Variants in LRRC63 observed in about 807,000 individuals in gnomAD.
LRRC63 encodes the protein leucine rich repeat containing 63.
A neutral mutation model predicts 49.5 loss-of-function variants in LRRC63; 40 were observed. The observed-to-expected ratio is 0.81, with a 90% CI of 0.63 to 1.05. The LOEUF (loss-of-function observed/expected upper bound fraction) is 1.05, where lower values mean the gene tolerates loss of function less well. Among genes scored for constraint, LRRC63 ranks in the 50% least tolerant of loss-of-function variants. LRRC63 has a pLI of 0.00. For synonymous variants in LRRC63, 191 were observed against 221.1 expected (o/e 0.86, Z 1.21); for missense variants, 636 against 663.1 (o/e 0.96, Z 0.45).
intron 9 of LRRC63, among the ~76,000 whole-genome samples, chr13:46,275,359 A>G (rs1254487721): frequency 6.6e-6 from 1 of 152,164 alleles, no homozygotes; most frequent in African/African-American, 2.4e-5. Flanking sequence ...GCTGGATAGT[A>G]TGATAGCCTT....
chr13:46,219,472 A>T (rs1012834929), intron 2 of LRRC63, among the ~76,000 whole-genome samples: 8 of 151,942 alleles, frequency 5.3e-5, no homozygotes, highest in African/African-American at 1.9e-4. Context: ...GCTTCTCTAA[A>T]CTGGTTATTC....
Position 46,234,190 on chromosome 13 carries a change from A to G in LRRC63, c.833-2A>G, listed in dbSNP as rs1455948951. The G allele has an allele frequency of 4.5e-5, 70 of 1,546,842 alleles. No individual in the cohort carries two copies. Among genetic ancestry groups the G allele is most frequent in the Non-Finnish European group, 5.9e-5 (68 of 1,144,792 alleles). ...ATGTTTTGTTTTGTTTTGTTTATTT[A>G]GGTCTCACCAAAACTGAAAAAATAG... is the stretch of plus-strand genomic sequence containing the variant. On this transcript the variant is annotated splice_acceptor_variant, in intron 4 of 9. Coordinates refer to ENST00000595396, the Ensembl canonical transcript of LRRC63. LOFTEE classifies it high-confidence loss of function.
intron 5 of LRRC63, among the ~76,000 whole-genome samples, chr13:46,239,917 T>C (rs2047006285): frequency 6.6e-6 from 1 of 152,184 alleles, no homozygotes. Flanking sequence ...ATTATCTCAA[T>C]TGATGCAGAA....
intron 9 of LRRC63, among the ~76,000 whole-genome samples, chr13:46,274,766 GTGA>G (rs1266944425): frequency 6.6e-6 from 1 of 151,992 alleles, no homozygotes; most frequent in African/African-American, 2.4e-5. Context: ...AACATACAGG[GTGA>G]TATTTCAATA....
At chr13:46,217,874 C>A (rs2046297640) in intron 2 of LRRC63, among the ~76,000 whole-genome samples, 1 of 152,158 alleles carries the variant, frequency 6.6e-6, no homozygotes, top group Non-Finnish European at 1.5e-5. Context: ...ACCCAGTAGT[C>A]ATTCAGTGGC....
intron 6 of LRRC63, 170 bp from the exon 7 acceptor site, chr13:46,250,185 G>C: frequency 1.9e-6 from 1 of 532,720 alleles, no homozygotes; most frequent in Admixed American, 3.3e-5. Flanking sequence ...ATTAATGCTG[G>C]TCACTTGTTT....
At chr13:46,250,601 GTATTC>G (rs1171643695) in intron 7 of LRRC63, 110 bp downstream of exon 7, 1 of 907,296 alleles carries the variant, frequency 1.1e-6, no homozygotes, top group African/African-American at 1.7e-5. Flanking sequence ...TTAGTAATTT[GTATTC>G]TATTCTAATT....
At chr13:46,236,070 T>G (rs1300809668) in intron 5 of LRRC63, among the ~76,000 whole-genome samples, 1 of 151,494 alleles carries the variant, frequency 6.6e-6, no homozygotes, top group African/African-American at 2.4e-5. Flanking sequence ...TTAGGCAGAA[T>G]AAAGAATTAT....
rs893351196 is a variant in LRRC63 at position 46,231,914 on chromosome 13, C to T, written c.833-2278C>T. ...CACTGCAAGCTCCACCTCCCAGGTT[C>T]GCGCCATTCTCCTGCCTCAGCCTCA... On this transcript the variant is annotated intron_variant, in intron 4 of 9. Transcript: ENST00000595396. Among the ~76,000 whole-genome samples, 7 of 150,224 alleles carry T rather than the reference C, an allele frequency of 4.7e-5. No individual in the cohort carries two copies. In the East Asian group the frequency reaches 5.9e-4, roughly 13 times the overall value.
intron 7 of LRRC63, among the ~76,000 whole-genome samples, chr13:46,257,672 G>A (rs1027492353): frequency 3.3e-5 from 5 of 152,246 alleles, no homozygotes; most frequent in African/African-American, 1.2e-4. Context: ...GGTTTGTGAT[G>A]TAAATTTAGC....
chr13:46,251,408 G>A (rs1594077845), intron 7 of LRRC63, among the ~76,000 whole-genome samples: 2 of 151,806 alleles, frequency 1.3e-5, no homozygotes, highest in South Asian at 4.1e-4. Flanking sequence ...CACTAAAGAA[G>A]TAAGAATGTT....
intron 7 of LRRC63, among the ~76,000 whole-genome samples, chr13:46,258,632 AC>A (rs2047561947): frequency 6.7e-6 from 1 of 149,466 alleles, no homozygotes; most frequent in South Asian, 2.1e-4. Flanking sequence ...ACATGGTGAA[AC>A]CCCATCTCTA....
At chr13:46,242,208 T>C (rs901464960) in intron 5 of LRRC63, among the ~76,000 whole-genome samples, 1 of 152,028 alleles carries the variant, frequency 6.6e-6, no homozygotes, top group Non-Finnish European at 1.5e-5. Context: ...GCAAACTAAC[T>C]CAGGGACAGA....
exon 10 of LRRC63, chr13:46,276,871 T>TATTC (rs2047850745): frequency 1.3e-5 from 2 of 159,004 alleles, no homozygotes; most frequent in East Asian, 1.6e-4. Flanking sequence ...TATATATTTA[T>TATTC]ATATATATAT....
chr13:46,236,031 C>G (rs547558599), intron 5 of LRRC63, among the ~76,000 whole-genome samples: 36 of 151,916 alleles, frequency 2.4e-4, no homozygotes, highest in Non-Finnish European at 4.9e-4. Context: ...GAAAACTTCT[C>G]TAGAAAGTTT....
intron 1 of LRRC63, among the ~76,000 whole-genome samples, chr13:46,212,635 G>A (rs2138326726): frequency 6.6e-6 from 1 of 152,136 alleles, no homozygotes; most frequent in Admixed American, 6.5e-5. Context: ...ATAACATTTT[G>A]GAGAGAGAGA....
intron 4 of LRRC63, among the ~76,000 whole-genome samples, chr13:46,232,840 G>GT (rs1300074265): frequency 6.6e-6 from 1 of 152,144 alleles, no homozygotes; most frequent in Non-Finnish European, 1.5e-5. Flanking sequence ...GGATTTAAAA[G>GT]TAACTATGAT....
At chr13:46,225,421 A>C (rs903287249) in intron 2 of LRRC63, among the ~76,000 whole-genome samples, 1 of 152,186 alleles carries the variant, frequency 6.6e-6, no homozygotes, top group Admixed American at 6.5e-5. Flanking sequence ...GGGTGTGTGG[A>C]GGAGGAGGAG....
intron 7 of LRRC63, among the ~76,000 whole-genome samples, chr13:46,252,170 T>G (rs1426622514): frequency 6.6e-6 from 1 of 151,934 alleles, no homozygotes. Flanking sequence ...TTGCAAAGTT[T>G]GTTCAATGAA....
Sources: allele counts gnomAD v4.1 joint callset (sites outside exome capture counted in the v4.1 genomes callset), GRCh38; gene constraint gnomAD v4.1.1; transcripts MANE v1.5; gene names NCBI Gene and HGNC (gene_info 2026-07-23, HGNC 2026-07-21).